DNM2: variants seen among roughly 807,000 people sequenced by gnomAD.
DNM2 encodes dynamin 2.
In DNM2, 15 loss-of-function variants were observed where a neutral mutation model predicts 99.0. The observed-to-expected ratio is 0.15, with a 90% CI of 0.10 to 0.23. DNM2 has a LOEUF of 0.23. DNM2 is among the 10% of genes least tolerant of loss of function. The pLI is 1.00. For missense variants in DNM2, 742 were observed against 1,189.4 expected, an observed-to-expected ratio of 0.62 and a Z score of 5.53; for synonymous variants, 525 against 481.2, an observed-to-expected ratio of 1.09 and a Z score of -1.19.
intron 11 of DNM2, among the ~76,000 whole-genome samples, chr19:10,799,527 G>GTTTT (rs1241230585): frequency 7.0e-6 from 1 of 143,472 alleles, no homozygotes; most frequent in African/African-American, 2.6e-5. Flanking sequence ...TTGTGTTGTG[G>GTTTT]TTTTTTGTTT....
At chr19:10,770,125 G>A (rs545554903) in intron 2 of DNM2, among the ~76,000 whole-genome samples, 31 of 152,290 alleles carry the variant, frequency 2.0e-4, no homozygotes, top group African/African-American at 7.2e-4. Flanking sequence ...CCAGAGTGCC[G>A]TAGTTTCTTC....
At position 10,789,499 on chromosome 19, in the gene DNM2, G is replaced by C. The variant is rs372265815; in HGVS notation, c.992+2793G>C. 2.1e-4 allele frequency among the ~76,000 whole-genome samples: 32 copies of C among 151,552 alleles called. 1 individual carries two copies. Among genetic ancestry groups the C allele is most frequent in the Admixed American group, 1.8e-3 (28 of 15,196 alleles). On this transcript the variant is annotated intron_variant, in intron 7 of 20. Coordinates refer to ENST00000389253, the MANE Select transcript of DNM2 (RefSeq NM_001005361.3). ...AAAGCCAGGAGTTTGAGACCAGCGT[G>C]AGCAACAAAGTGGGATCCTGTCTCT... is the stretch of plus-strand genomic sequence containing the variant.
chr19:10,790,723 C>T (rs62131821), intron 7 of DNM2, among the ~76,000 whole-genome samples: 3 of 152,324 alleles, frequency 2.0e-5, no homozygotes, highest in African/African-American at 7.2e-5. Flanking sequence ...CCACCTCGGC[C>T]TCCCAAAGTG....
At chr19:10,802,031 C>G (rs908938806) in intron 11 of DNM2, among the ~76,000 whole-genome samples, 1 of 152,130 alleles carries the variant, frequency 6.6e-6, no homozygotes, top group Admixed American at 6.5e-5. Flanking sequence ...CAATTAGTGG[C>G]TCAATCAAGA....
intron 2 of DNM2, among the ~76,000 whole-genome samples, chr19:10,762,123 A>G (rs1599500563): frequency 6.6e-6 from 1 of 151,714 alleles, no homozygotes; most frequent in South Asian, 2.1e-4. Flanking sequence ...GCTCACTGCC[A>G]CCTCCGCCTT....
At chr19:10,752,136 T>C (rs1352729756) in intron 1 of DNM2, among the ~76,000 whole-genome samples, 2 of 152,146 alleles carry the variant, frequency 1.3e-5, no homozygotes, top group African/African-American at 2.4e-5. Flanking sequence ...GTCTTCTTTG[T>C]AAATAAGGGA....
At chr19:10,829,327 T>G in intron 19 of DNM2, 59 bp downstream of exon 19, 1 of 1,582,074 alleles carries the variant, frequency 6.3e-7, no homozygotes, top group Non-Finnish European at 8.6e-7. Flanking sequence ...CTGCCCTCCC[T>G]GTGTGTCCTG....
chr19:10,798,893 T>C (rs566568417), intron 11 of DNM2, among the ~76,000 whole-genome samples: 9 of 152,156 alleles, frequency 5.9e-5, no homozygotes, highest in South Asian at 4.1e-4. Context: ...CCTCCTAAAA[T>C]CCCTGTCCCT....
intron 1 of DNM2, among the ~76,000 whole-genome samples, chr19:10,721,236 A>G (rs2068929048): frequency 6.6e-6 from 1 of 152,056 alleles, no homozygotes; most frequent in African/African-American, 2.4e-5. Flanking sequence ...AGCTTACTGC[A>G]ACCTCCACCT....
Position 10,795,444 on chromosome 19 carries a change from GT to G in DNM2, c.1196+7del, listed in dbSNP as rs768397600. 11 of 1,613,928 alleles carry G rather than the reference GT, an allele frequency of 6.8e-6. No homozygotes were observed. The highest frequency in any genetic ancestry group is 1.3e-5 in the African/African-American group (1 of 74,906). On this transcript the variant is annotated splice_donor_region_variant and intron_variant, in intron 9 of 20. Transcript: ENST00000389253. The surrounding 1 kb of genome is among the most constrained non-coding windows in gnomAD (Gnocchi z 4.2). ...TAAGAACATCCATGGAGTCAGGCAA[GT>G]TCCACGAGGAGAGTCACCACTGTTC...
Position 10,831,464 on chromosome 19 carries a change from G to C in DNM2, c.*417G>C, listed in dbSNP as rs1245984227. 1.0e-6 allele frequency: 1 copy of C among 997,186 alleles called. No individual in the cohort carries two copies. Among genetic ancestry groups the C allele is most frequent in the Non-Finnish European group, 1.2e-6 (1 of 837,824 alleles). The allele number at this position is 997,186 out of a possible 1,614,324, so 61.8% of individuals were successfully genotyped here. On this transcript the variant is annotated 3_prime_UTR_variant, in exon 21 of 21. Transcript: ENST00000389253. The surrounding 1 kb of genome is among the most constrained non-coding windows in gnomAD (Gnocchi z 4.3). ...ATCCCCAGGCCTTGCTGGGGTGCAG[G>C]GGTATATCAACTTCCCATTAGCAGG...
At chr19:10,732,489 A>G (rs1274133634) in intron 1 of DNM2, among the ~76,000 whole-genome samples, 1 of 151,418 alleles carries the variant, frequency 6.6e-6, no homozygotes, top group East Asian at 2.0e-4. Flanking sequence ...AGTCCCAGCT[A>G]CTCGGGAGGC....
Position 10,775,717 on chromosome 19 carries a change from C to G in DNM2, c.400C>G (p.Leu134Val), listed in dbSNP as rs1225368903. ...TTCCCTCCCAGTGTTGAACTTGACC[C>G]TCATCGACCTCCCGGGTATCACCAA... The part of the protein sequence containing the change: ...VYSPHVLNLT[L>V]IDLPGITKVP... The change falls in exon 4 of 21, where the codon CTC becomes GTC. Residue 134 changes from leucine (L) to valine (V), a missense_variant. Transcript: ENST00000389253. The surrounding 1 kb of genome is among the most constrained non-coding windows in gnomAD (Gnocchi z 4.3). The G allele has an allele frequency of 2.5e-6, 4 of 1,614,138 alleles. No homozygotes were observed. Among genetic ancestry groups the G allele is most frequent in the East Asian group, 2.2e-5 (1 of 44,868 alleles).
chr19:10,739,165 T>A (rs1001448772), intron 1 of DNM2, among the ~76,000 whole-genome samples: 2 of 152,130 alleles, frequency 1.3e-5, no homozygotes, highest in Admixed American at 1.3e-4. Flanking sequence ...AGAGCGAGAC[T>A]CCGTCTCAAA....
chr19:10,822,228 C>T (rs937283360), intron 16 of DNM2, among the ~76,000 whole-genome samples: 4 of 150,800 alleles, frequency 2.7e-5, no homozygotes, highest in Non-Finnish European at 5.9e-5. Context: ...CTCTGTCACC[C>T]ACCCAGGCTG....
Position 10,830,918 on chromosome 19 carries a change from C to T in DNM2, c.2544-60C>T. 3 of 1,559,460 alleles carry T rather than the reference C, an allele frequency of 1.9e-6. No individual in the cohort carries two copies. Among genetic ancestry groups the T allele is most frequent in the Non-Finnish European group, 2.6e-6 (3 of 1,149,034 alleles). ...GGCTGGGTCCTCAACCCAGGCCTGC[C>T]TCTTGCTCCCGGCCTCACTGCCGTC... On this transcript the variant is annotated intron_variant, in intron 20 of 20. Transcript: ENST00000389253. The surrounding 1 kb of genome is among the most constrained non-coding windows in gnomAD (Gnocchi z 4.8).
In DNM2 at chr19:10,831,412, A is replaced by C; in HGVS notation, c.*365A>C. 1 of 1,041,318 alleles carries C rather than the reference A, an allele frequency of 9.6e-7. No individual in the cohort carries two copies. Among genetic ancestry groups the C allele is most frequent in the Non-Finnish European group, 1.2e-6 (1 of 866,364 alleles). 64.5% of individuals were successfully genotyped at this position (1,041,318 alleles called of 1,614,324 possible). A position where few individuals can be genotyped will look rare whatever the true frequency, so the allele number is the denominator to read the frequency against. On this transcript the variant is annotated 3_prime_UTR_variant, in exon 21 of 21. Transcript: ENST00000389253. This position sits in a 1 kb window ranked among gnomAD's most constrained non-coding sequence, Gnocchi z 4.3. Reference sequence around the variant, plus strand: ...AAAGCCCATGTAGGGCAGGCCTTCTATAAGTGCGGGCACCAAGGGCGCCTA... The same window carrying C: ...AAAGCCCATGTAGGGCAGGCCTTCTCTAAGTGCGGGCACCAAGGGCGCCTA...
At chr19:10,771,112 A>G (rs2070962454) in intron 2 of DNM2, among the ~76,000 whole-genome samples, 1 of 152,174 alleles carries the variant, frequency 6.6e-6, no homozygotes, top group Non-Finnish European at 1.5e-5. Context: ...TATTTTTAGC[A>G]TCACTACAGT....
intron 1 of DNM2, among the ~76,000 whole-genome samples, chr19:10,725,348 A>G (rs1436529690): frequency 1.3e-5 from 2 of 151,766 alleles, no homozygotes; most frequent in Non-Finnish European, 2.9e-5. Flanking sequence ...TGGGAGGCTG[A>G]GGCAGGAGAA....
Sources: allele counts gnomAD v4.1 joint callset (sites outside exome capture counted in the v4.1 genomes callset), GRCh38; gene constraint gnomAD v4.1.1; non-coding constraint Gnocchi (gnomAD v3.1); transcripts MANE v1.5; gene names NCBI Gene and HGNC (gene_info 2026-07-23, HGNC 2026-07-21).